PXDC1: variants seen among roughly 807,000 people sequenced by gnomAD.
PXDC1 encodes PX domain containing 1.
A neutral mutation model predicts 24.4 loss-of-function variants in PXDC1; 13 were observed. The observed-to-expected ratio is 0.53, with a 90% CI of 0.35 to 0.85. The LOEUF is 0.85. PXDC1 is among the 40% of genes least tolerant of loss of function. PXDC1 has a pLI of 0.01. For synonymous variants in PXDC1, 162 were observed against 124.9 expected, an observed-to-expected ratio of 1.30 and a Z score of -1.98; for missense variants, 344 against 309.3, an observed-to-expected ratio of 1.11 and a Z score of -0.84.
chr6:3,735,952 G>T (rs1472783054), intron 3 of PXDC1, among the ~76,000 whole-genome samples: 2 of 152,160 alleles, frequency 1.3e-5, no homozygotes, highest in African/African-American at 4.8e-5. Context: ...GACAGGGTCA[G>T]GTGTGCCACC....
Position 3,724,001 on chromosome 6 carries a change from C to T in PXDC1, c.579-265G>A, listed in dbSNP as rs906739707. On this transcript the variant is annotated intron_variant, in intron 4 of 4. Transcript: ENST00000380283. This position sits in a 1 kb window ranked among gnomAD's most constrained non-coding sequence, Gnocchi z 4.5. ...CCTTCATTCATGGAGTGCTGATTTTCACCTCTTGTTCTGTGCCCAGCACCG... is the reference window on the plus strand; with the variant it reads ...CCTTCATTCATGGAGTGCTGATTTTTACCTCTTGTTCTGTGCCCAGCACCG... 6.6e-6 allele frequency among the ~76,000 whole-genome samples: 1 copy of T among 152,214 alleles called. No homozygotes were observed. The highest frequency in any genetic ancestry group is 1.5e-5 in the Non-Finnish European group (1 of 68,044).
At chr6:3,731,446 T>C (rs899732100) in intron 3 of PXDC1, among the ~76,000 whole-genome samples, 2 of 152,248 alleles carry the variant, frequency 1.3e-5, no homozygotes, top group Non-Finnish European at 2.9e-5. Flanking sequence ...CTTTGACCAA[T>C]GTAGCCATTT....
chr6:3,746,735 C>A (rs1351515648), intron 1 of PXDC1, among the ~76,000 whole-genome samples: 2 of 152,186 alleles, frequency 1.3e-5, no homozygotes, highest in Non-Finnish European at 2.9e-5. Flanking sequence ...AAAGTAAACT[C>A]CGTGGCTTTG....
chr6:3,738,784 T>C, intron 1 of PXDC1: 1 of 1,300,852 alleles, frequency 7.7e-7, no homozygotes, highest in Non-Finnish European at 1.0e-6. Flanking sequence ...TAATATTTTA[T>C]TTTTAAAATA....
In PXDC1 at chr6:3,723,357, A is replaced by G. The variant is rs1049881844; in HGVS notation, c.*262T>C. On this transcript the variant is annotated 3_prime_UTR_variant, in exon 5 of 5. Transcript: ENST00000380283. ...GTGCGCAGCCCTGTGGGCACCAAGCAGGGAGTGAAGACCCTCAGAACACAG... is the reference window on the plus strand; with the variant it reads ...GTGCGCAGCCCTGTGGGCACCAAGCGGGGAGTGAAGACCCTCAGAACACAG... The G allele has an allele frequency of 1.2e-4, 62 of 513,288 alleles. No homozygotes were observed. Among genetic ancestry groups the G allele is most frequent in the African/African-American group, 1.1e-3 (59 of 52,748 alleles). 31.8% of individuals were successfully genotyped at this position (513,288 alleles called of 1,614,324 possible). A position where few individuals can be genotyped will look rare whatever the true frequency, so the allele number is the denominator to read the frequency against.
rs148120027 is a variant in PXDC1, at chr6:3,751,475, G to A, written c.57C>T (p.Cys19=). 19 of 1,604,162 alleles carry A rather than the reference G, an allele frequency of 1.2e-5. No individual in the cohort carries two copies. In the African/African-American group the frequency reaches 2.4e-4, roughly 20 times the overall value. ...TGAGCCTGCGGATGCCGTTCACCCA[G>A]CAGCCGCGCACGAACATGTTCACGA... ...TSLVNMFVRG[C]WVNGIRRLIV... is the part of the protein sequence containing the mutation. Residue 19 remains cysteine (C), a synonymous_variant, in exon 1 of 5, where the codon TGC becomes TGT. Coordinates refer to ENST00000380283, the MANE Select transcript of PXDC1 (RefSeq NM_183373.4).
chr6:3,744,516 G>A (rs1393946181), intron 1 of PXDC1, among the ~76,000 whole-genome samples: 1 of 152,212 alleles, frequency 6.6e-6, no homozygotes, highest in Non-Finnish European at 1.5e-5. Flanking sequence ...AAAGGGGTTG[G>A]GGAAAGAGGG....
rs149637716 is a variant in PXDC1, at chr6:3,743,124, C to G, written c.257-4976G>C. Among the ~76,000 whole-genome samples the G allele has an allele frequency of 2.3e-3, 354 of 152,328 alleles. 2 individuals carry two copies. Among genetic ancestry groups the G allele is most frequent in the African/African-American group, 8.1e-3 (335 of 41,572 alleles). On this transcript the variant is annotated intron_variant, in intron 1 of 4. Transcript: ENST00000380283. The stretch of plus-strand genomic sequence containing the variant: ...GCTTTGGGCTCAACACTTGCGGTAA[C>G]TGGCCCAGCTTCCTCCAGGGAGGAC...
chr6:3,742,751 A>G (rs1012593406), intron 1 of PXDC1, among the ~76,000 whole-genome samples: 11 of 152,238 alleles, frequency 7.2e-5, no homozygotes, highest in African/African-American at 2.2e-4. Flanking sequence ...ATCCAGATGT[A>G]GCCAAACAAT....
chr6:3,740,272 T>G (rs1760423451), intron 1 of PXDC1, among the ~76,000 whole-genome samples: 1 of 152,252 alleles, frequency 6.6e-6, no homozygotes, highest in Non-Finnish European at 1.5e-5. Context: ...TTGGTTGGGT[T>G]GATAACCTCC....
chr6:3,750,306 T>C (rs1760673216), intron 1 of PXDC1, among the ~76,000 whole-genome samples: 1 of 152,206 alleles, frequency 6.6e-6, no homozygotes, highest in South Asian at 2.1e-4. Flanking sequence ...AGAGGAGGAC[T>C]GCAGAAAAGA....
At position 3,737,135 on chromosome 6, in the gene PXDC1, T is replaced by C. The variant is rs1309754879; in HGVS notation, c.410A>G (p.Lys137Arg). ...FERSPLDQVL[K>R]NDNVHKIQPS... ...TTGAATTTTATGCACATTATCATTTTTTAACACCTGATCCAGAGGAGATCT... is the reference window on the plus strand; with the variant it reads ...TTGAATTTTATGCACATTATCATTTCTTAACACCTGATCCAGAGGAGATCT... Residue 137 changes from lysine to arginine, a missense_variant, in exon 3 of 5, where the codon AAA becomes AGA. Coordinates refer to ENST00000380283, the MANE Select transcript of PXDC1 (RefSeq NM_183373.4). The surrounding 1 kb of genome is among the most constrained non-coding windows in gnomAD (Gnocchi z 5.5). The C allele has an allele frequency of 6.2e-7, 1 of 1,613,988 alleles. No individual in the cohort carries two copies. Among genetic ancestry groups the C allele is most frequent in the East Asian group, 2.2e-5 (1 of 44,882 alleles).
At chr6:3,746,008 C>T (rs991191182) in intron 1 of PXDC1, among the ~76,000 whole-genome samples, 1 of 152,194 alleles carries the variant, frequency 6.6e-6, no homozygotes, top group African/African-American at 2.4e-5. Flanking sequence ...AAGAATGTCA[C>T]CACATATGGT....
chr6:3,745,035 T>A (rs1406677489), intron 1 of PXDC1, among the ~76,000 whole-genome samples: 2 of 152,212 alleles, frequency 1.3e-5, no homozygotes, highest in African/African-American at 4.8e-5. Flanking sequence ...CTTAGGATCT[T>A]TCTTAGGTAA....
chr6:3,743,482 G>A (rs932828963), intron 1 of PXDC1, among the ~76,000 whole-genome samples: 5 of 152,038 alleles, frequency 3.3e-5, no homozygotes, highest in African/African-American at 9.7e-5. Flanking sequence ...TATGCTGCAC[G>A]GGAGACACAC....
intron 1 of PXDC1, among the ~76,000 whole-genome samples, chr6:3,743,327 C>T (rs1028828454): frequency 6.6e-6 from 1 of 152,136 alleles, no homozygotes; most frequent in Admixed American, 6.5e-5. Context: ...CAGTCGGCCC[C>T]GGGGAAATGC....
rs1038075112 is a variant in PXDC1 at position 3,735,557 on chromosome 6, A to C, written c.466+1522T>G. Among the ~76,000 whole-genome samples the C allele has an allele frequency of 5.9e-5, 9 of 152,242 alleles. 1 individual carries two copies. The highest frequency in any genetic ancestry group is 2.2e-4 in the African/African-American group (9 of 41,466). ...CTCACCCATATTTGGAACCTAGAGA[A>C]GGGGAGATCATAGAAGCAGCAAGTA... On this transcript the variant is annotated intron_variant, in intron 3 of 4. Coordinates refer to ENST00000380283, the MANE Select transcript of PXDC1 (RefSeq NM_183373.4).
Position 3,751,265 on chromosome 6 carries a change from C to T in PXDC1, c.256+11G>A. 1.4e-6 allele frequency: 2 copies of T among 1,469,866 alleles called. No individual in the cohort carries two copies. Among genetic ancestry groups the T allele is most frequent in the South Asian group, 1.3e-5 (1 of 74,580 alleles). The allele number at this position is 1,469,866 out of a possible 1,614,324, so 91.1% of individuals were successfully genotyped here. The stretch of plus-strand genomic sequence containing the variant: ...CGGCCCCGCGCCCCTCCCGCGTCCC[C>T]GGCCCCGCACCTTGCCGCAGCGGCC... On this transcript the variant is annotated intron_variant, in intron 1 of 4. Coordinates refer to ENST00000380283, the MANE Select transcript of PXDC1 (RefSeq NM_183373.4).
intron 1 of PXDC1, among the ~76,000 whole-genome samples, chr6:3,744,377 AG>A (rs1760517774): frequency 6.6e-6 from 1 of 152,232 alleles, no homozygotes; most frequent in Non-Finnish European, 1.5e-5. Context: ...GAGGGCCAAC[AG>A]GAGGCAAACA....
Sources: gnomAD v4.1 joint callset for allele counts (sites outside exome capture counted in the v4.1 genomes callset) on GRCh38, gnomAD v4.1.1 for gene constraint, Gnocchi (gnomAD v3.1) non-coding constraint, MANE v1.5 for transcripts, NCBI Gene and HGNC (gene_info 2026-07-23, HGNC 2026-07-21) for gene names.